FADS2: variants seen among roughly 807,000 people sequenced by gnomAD.
FADS2 encodes acyl-CoA 6-desaturase.
Under a neutral mutation model 61.2 loss-of-function variants are expected in FADS2, and 18 were observed. The observed-to-expected ratio is 0.29, with a 90% confidence interval of 0.20 to 0.44. The LOEUF (loss-of-function observed/expected upper bound fraction) is 0.44, where lower values mean the gene tolerates loss of function less well. Among genes scored for constraint, FADS2 ranks in the 20% least tolerant of loss-of-function variants. The probability of loss-of-function intolerance (pLI) is 1.00; values close to 1 mark genes in which losing one functional copy is unlikely to be tolerated. For missense variants in FADS2, 322 were observed against 572.7 expected (o/e 0.56, Z 4.47); for synonymous variants, 203 against 223.9 (o/e 0.91, Z 0.83).
At chr11:61,864,521 G>A (rs1420711491) in intron 10 of FADS2, among the ~76,000 whole-genome samples, 12 of 152,082 alleles carry the variant, frequency 7.9e-5, no homozygotes, top group Admixed American at 2.0e-4. Flanking sequence ...AGCCTCCCAC[G>A]TAGCTGGGAT....
chr11:61,835,296 G>C (rs1469532849), intron 1 of FADS2, among the ~76,000 whole-genome samples: 1 of 152,130 alleles, frequency 6.6e-6, no homozygotes, highest in Non-Finnish European at 1.5e-5. Context: ...AATGCAGTAA[G>C]GAGATGATGG....
chr11:61,822,890 G>A (rs2067045390), intron 1 of FADS2, among the ~76,000 whole-genome samples: 1 of 152,032 alleles, frequency 6.6e-6, no homozygotes, highest in South Asian at 2.1e-4. Context: ...GGATATTTTT[G>A]TATATAGATA....
chr11:61,842,249 G>A (rs186992444), intron 4 of FADS2, among the ~76,000 whole-genome samples: 3 of 152,222 alleles, frequency 2.0e-5, no homozygotes, highest in African/African-American at 4.8e-5. Context: ...GTTTCGCAGC[G>A]AGCAGCTTGC....
rs2066983206 is a variant in FADS2 at position 61,816,361 on chromosome 11, C to T, written c.76C>T (p.Leu26Phe). The T allele has an allele frequency of 6.3e-7, 1 of 1,598,352 alleles. No homozygotes were observed. The highest frequency in any genetic ancestry group is 1.3e-5 in the African/African-American group (1 of 74,936). Residue 26 changes from leucine to phenylalanine, a missense_variant, in exon 1 of 12, where the codon CTT becomes TTT. By Grantham distance (22) the Leu-to-Phe change is conservative (BLOSUM62 0). Transcript: ENST00000257261. The surrounding 1 kb of genome is among the most constrained non-coding windows in gnomAD (Gnocchi z 7.0). Reference sequence around the variant, plus strand: ...CTCCATCCCCACTCCCCAGACTCCACTTCTCCAGGCCTCTCTCCCGCCTTT... The same window carrying T: ...CTCCATCCCCACTCCCCAGACTCCATTTCTCCAGGCCTCTCTCCCGCCTTT...
chr11:61,861,143 A>G (rs111714173), intron 7 of FADS2, among the ~76,000 whole-genome samples: 6,165 of 152,034 alleles, frequency 0.041, 407 homozygotes, highest in African/African-American at 0.14. Flanking sequence ...TCACAAGGTC[A>G]GGAGATCGAG....
At chr11:61,830,399 T>G (rs2135954663) in intron 1 of FADS2, among the ~76,000 whole-genome samples, 1 of 152,376 alleles carries the variant, frequency 6.6e-6, no homozygotes, top group Middle Eastern at 3.4e-3. Flanking sequence ...ATCAGATTGA[T>G]TTATTTCTTC....
At chr11:61,855,764 A>T (rs1321648481) in intron 5 of FADS2, 1 of 152,280 alleles carries the variant, frequency 6.6e-6, no homozygotes, top group Non-Finnish European at 1.5e-5. Flanking sequence ...ACTCACCTGG[A>T]TGAGAGGGGC....
upstream of FADS2, chr11:61,827,662 G>C (rs2067095087): frequency 1.3e-5 from 2 of 152,166 alleles, no homozygotes; most frequent in African/African-American, 4.8e-5. The surrounding 1 kb of genome is among the most constrained non-coding windows in gnomAD (Gnocchi z 4.5). Flanking sequence ...CCGGCCGCTT[G>C]CTGGCACCCT....
intron 5 of FADS2, chr11:61,856,197 C>A (rs2067357405): frequency 6.6e-6 from 1 of 152,242 alleles, no homozygotes; most frequent in African/African-American, 2.4e-5. Context: ...GAATTAAGGG[C>A]TCCAGGGATC....
chr11:61,839,879 T>G (rs2067204034), intron 2 of FADS2, among the ~76,000 whole-genome samples: 1 of 152,268 alleles, frequency 6.6e-6, no homozygotes, highest in Non-Finnish European at 1.5e-5. Context: ...GTGACTGGCC[T>G]GTTTCCCTTA....
chr11:61,841,511 C>T (rs1011549033), intron 4 of FADS2, among the ~76,000 whole-genome samples: 2 of 146,590 alleles, frequency 1.4e-5, no homozygotes, highest in Non-Finnish European at 3.0e-5. Context: ...CCAGCCTGGG[C>T]AACATAGTGA....
chr11:61,833,791 G>A (rs977384846), intron 1 of FADS2, among the ~76,000 whole-genome samples: 3 of 152,224 alleles, frequency 2.0e-5, no homozygotes, highest in South Asian at 2.1e-4. Flanking sequence ...TGTGAAACGC[G>A]GAAGAGGACA....
chr11:61,836,898 G>A (rs1002242835), intron 1 of FADS2, among the ~76,000 whole-genome samples: 1 of 152,180 alleles, frequency 6.6e-6, no homozygotes, highest in East Asian at 1.9e-4. Context: ...CCCCTCAGGG[G>A]AGCCTGGTGC....
intron 10 of FADS2, among the ~76,000 whole-genome samples, chr11:61,864,479 C>A (rs1445384218): frequency 6.6e-6 from 1 of 152,124 alleles, no homozygotes; most frequent in African/African-American, 2.4e-5. Flanking sequence ...CTGCATCCTC[C>A]ACCTACCAGG....
intron 1 of FADS2, among the ~76,000 whole-genome samples, chr11:61,819,577 A>G (rs1212960067): frequency 6.6e-6 from 1 of 152,234 alleles, no homozygotes; most frequent in Admixed American, 6.5e-5. Flanking sequence ...ATTTATAAAC[A>G]AAAAATATTC....
At chr11:61,861,371 A>AAAAAAAAAAAAAAAAAAAAAC (rs1555078396) in intron 7 of FADS2, among the ~76,000 whole-genome samples, 6 of 106,536 alleles carry the variant, frequency 5.6e-5, no homozygotes, top group Non-Finnish European at 1.1e-4. Flanking sequence ...AAAAAAAAAA[A>AAAAAAAAAAAAAAAAAAAAAC]CAGAAATTAG....
intron 1 of FADS2, among the ~76,000 whole-genome samples, chr11:61,821,877 C>A (rs1276039006): frequency 1.3e-5 from 2 of 152,188 alleles, no homozygotes; most frequent in African/African-American, 4.8e-5. Context: ...GAGCTAGAAA[C>A]AGGACTCTCA....
In FADS2 at chr11:61,848,353, C is replaced by T. The variant is rs1004883798; in HGVS notation, c.744+69C>T. 8.0e-5 allele frequency: 128 copies of T among 1,600,636 alleles called. 2 individuals are homozygous for T. In the Admixed American group the frequency reaches 1.7e-3, roughly 21 times the overall value. Reference sequence around the variant, plus strand: ...GGGCGAATGGCAGACCATCGAGGTACAACTAAGGAGATGGTGTTGACCTAG... The same window carrying T: ...GGGCGAATGGCAGACCATCGAGGTATAACTAAGGAGATGGTGTTGACCTAG... On this transcript the variant is annotated intron_variant, in intron 5 of 11. Transcript: ENST00000278840.
chr11:61,861,400 T>C (rs994474170), intron 7 of FADS2, among the ~76,000 whole-genome samples: 2 of 132,778 alleles, frequency 1.5e-5, no homozygotes. Flanking sequence ...GAGGCTGAGG[T>C]AGAAGTATGG....
Sources: allele counts gnomAD v4.1 joint callset (sites outside exome capture counted in the v4.1 genomes callset), GRCh38; gene constraint gnomAD v4.1.1; non-coding constraint Gnocchi (gnomAD v3.1); transcripts MANE v1.5; gene names NCBI Gene and HGNC (gene_info 2026-07-23, HGNC 2026-07-21).